APOL5: variants seen among roughly 807,000 people sequenced by gnomAD.
APOL5 encodes apolipoprotein L, 5.
Under a neutral mutation model 35.5 loss-of-function variants are expected in APOL5, and 29 were observed. That is an observed-to-expected ratio of 0.82 (90% CI 0.61 to 1.11). APOL5 has a LOEUF of 1.11. APOL5 is among the 50% of genes most tolerant of loss of function. The pLI, the probability that APOL5 is intolerant of heterozygous loss-of-function variation, is 0.00. For missense variants in APOL5, 514 were observed against 530.4 expected, an observed-to-expected ratio of 0.97 and a Z score of 0.30; for synonymous variants, 188 against 200.2, an observed-to-expected ratio of 0.94 and a Z score of 0.51.
chr22:35,725,778 A>G (rs1188130401), intron 2 of APOL5, among the ~76,000 whole-genome samples: 1 of 152,196 alleles, frequency 6.6e-6, no homozygotes, highest in Non-Finnish European at 1.5e-5. Context: ...TCGAGCACTC[A>G]TGTTAGGTTT....
At chr22:35,714,317 A>G (rs1926677036), upstream of APOL5, among the ~76,000 whole-genome samples, 2 of 152,072 alleles carry the variant, frequency 1.3e-5, no homozygotes, top group Non-Finnish European at 2.9e-5. Flanking sequence ...GTCTCAAAAA[A>G]ATAAAAATAA....
chr22:35,717,826 T>C (rs1926813388), upstream of APOL5: 2 of 1,399,296 alleles, frequency 1.4e-6, no homozygotes, highest in Non-Finnish European at 1.9e-6. Context: ...AAGGGAGTCA[T>C]ATTTATTAAT....
At chr22:35,720,521 C>G in intron 1 of APOL5, 47 bp from the exon 2 acceptor site, 1 of 1,567,930 alleles carries the variant, frequency 6.4e-7, no homozygotes, top group Non-Finnish European at 8.8e-7. Flanking sequence ...TCTTTTCGGG[C>G]TGAGATGACT....
upstream of APOL5, among the ~76,000 whole-genome samples, chr22:35,717,535 T>C (rs1601893626): frequency 6.7e-6 from 1 of 148,370 alleles, no homozygotes; most frequent in South Asian, 2.1e-4. Flanking sequence ...AGGTCAGGAG[T>C]TTGAGACCAG....
chr22:35,717,212 T>C (rs1450361921), upstream of APOL5, among the ~76,000 whole-genome samples: 1 of 73,850 alleles, frequency 1.4e-5, no homozygotes, highest in Admixed American at 1.2e-4. Context: ...ATGGTGAATC[T>C]CCATCTCTAC....
At chr22:35,719,867 A>G (rs886518864) in intron 1 of APOL5, among the ~76,000 whole-genome samples, 1 of 152,198 alleles carries the variant, frequency 6.6e-6, no homozygotes, top group African/African-American at 2.4e-5. Context: ...TTGGAGAGTG[A>G]GTGCAAGGTT....
At position 35,726,500 on chromosome 22, in the gene APOL5, C is replaced by T. The variant is rs776766391; in HGVS notation, c.432C>T (p.Ser144=). The change falls in exon 3 of 5, where the codon TCC becomes TCT. Residue 144 remains serine (S), a synonymous_variant. Coordinates refer to ENST00000249044, the MANE Select transcript of APOL5 (RefSeq NM_030642.1). The part of the protein sequence containing the change: ...LTKTSLVASS[S]GAVSGVMNIL... ...AGACCAGCCTGGTGGCCAGCTCTTC[C>T]GGGGCTGTTTCTGGGGTCATGAACA... 49 of 1,614,048 alleles carry T rather than the reference C, an allele frequency of 3.0e-5. 1 individual carries two copies. In the South Asian group the frequency reaches 3.5e-4, roughly 12 times the overall value.
intron 3 of APOL5, among the ~76,000 whole-genome samples, chr22:35,728,212 C>CT (rs961518247): frequency 1.2e-4 from 19 of 152,024 alleles, no homozygotes; most frequent in African/African-American, 4.3e-4. Context: ...GATTTTAGAC[C>CT]TTTTTTTTGT....
At chr22:35,727,277 G>C in intron 3 of APOL5, 83 bp downstream of exon 3, 4 of 1,523,910 alleles carry the variant, frequency 2.6e-6, no homozygotes, top group Non-Finnish European at 3.5e-6. Context: ...AATGCTAAAC[G>C]GACACATCAG....
intron 1 of APOL5, among the ~76,000 whole-genome samples, chr22:35,718,504 T>C (rs5750162): frequency 0.71 from 107,691 of 150,632 alleles, 39,088 homozygotes; most frequent in African/African-American, 0.83. Context: ...TGTAGTCCCG[T>C]TACTCGGGAG....
chr22:35,708,865 CA>C, the APOL5 span, among the ~76,000 whole-genome samples: 1 of 152,170 alleles, frequency 6.6e-6, no homozygotes, highest in African/African-American at 2.4e-5. Context: ...CATATAGGAA[CA>C]AAACGTGGAC....
At chr22:35,717,235 A>AAAAAAAAAAAAAAAATATATATATATAT, upstream of APOL5, among the ~76,000 whole-genome samples, 19 of 57,650 alleles carry the variant, frequency 3.3e-4, no homozygotes, top group Non-Finnish European at 5.0e-4. Flanking sequence ...AAAAAAAAAA[A>AAAAAAAAAAAAAAAATATATATATATAT]ATATATATAT....
chr22:35,726,221 G>A lies in APOL5; in HGVS notation c.153G>A (p.Val51=), dbSNP rs1490580906. Reference sequence around the variant, plus strand: ...CCTAGATGTCTTTAGCCTCACTCGTGAACCTGTGCCAGAGTTGGAAAATTA... The same window carrying A: ...CCTAGATGTCTTTAGCCTCACTCGTAAACCTGTGCCAGAGTTGGAAAATTA... The part of the protein sequence containing the change: ...KSPEPEFPSL[V]NLCQSWKINN... Residue 51 remains valine, a synonymous_variant, in exon 3 of 5, where the codon GTG becomes GTA. Coordinates refer to ENST00000249044, the MANE Select transcript of APOL5 (RefSeq NM_030642.1). 2 of 1,609,636 alleles carry A rather than the reference G, an allele frequency of 1.2e-6. No individual in the cohort carries two copies. Among genetic ancestry groups the A allele is most frequent in the Non-Finnish European group, 1.7e-6 (2 of 1,176,256 alleles).
At chr22:35,720,076 C>T (rs1216839289) in intron 1 of APOL5, among the ~76,000 whole-genome samples, 2 of 152,194 alleles carry the variant, frequency 1.3e-5, no homozygotes, top group East Asian at 1.9e-4. Context: ...CGATGTCCAG[C>T]TACTTGTGTG....
At chr22:35,710,821 A>G in the APOL5 span, among the ~76,000 whole-genome samples, 2 of 152,224 alleles carry the variant, frequency 1.3e-5, no homozygotes, top group East Asian at 3.9e-4. Flanking sequence ...TGAGTGGCTT[A>G]TTTCACCTAG....
At chr22:35,728,953 A>C (rs936296192) in intron 4 of APOL5, 49 bp downstream of exon 4, 82 of 1,518,752 alleles carry the variant, frequency 5.4e-5, no homozygotes. Flanking sequence ...CCTGACAGTG[A>C]AGTAACCCCT....
At chr22:35,728,047 T>G (rs925788323) in intron 3 of APOL5, among the ~76,000 whole-genome samples, 4 of 152,142 alleles carry the variant, frequency 2.6e-5, no homozygotes, top group Non-Finnish European at 4.4e-5. Flanking sequence ...TTCAACAGAT[T>G]TTCATTAAGT....
chr22:35,717,235 A>AAAAAAAAT, upstream of APOL5, among the ~76,000 whole-genome samples: 82 of 57,660 alleles, frequency 1.4e-3, 2 homozygotes, highest in African/African-American at 6.1e-3. Context: ...AAAAAAAAAA[A>AAAAAAAAT]ATATATATAT....
Position 35,717,894 on chromosome 22 carries a change from A to G in APOL5, c.23A>G (p.Asn8Ser). MPCGKQG[N>S]LQVPGSKVLP... The stretch of plus-strand genomic sequence containing the variant: ...AGCATGCCATGTGGCAAACAAGGAA[A>G]TTTGCAAGTTCCCGGTTCCAAGGTG... The change falls in exon 1 of 5, where the codon AAT (asparagine) becomes AGT (serine). Residue 8 changes from asparagine to serine, a missense_variant. Coordinates refer to ENST00000249044, the MANE Select transcript of APOL5 (RefSeq NM_030642.1). The G allele has an allele frequency of 6.3e-7, 1 of 1,589,308 alleles. No individual in the cohort carries two copies. The highest frequency in any genetic ancestry group is 8.6e-7 in the Non-Finnish European group (1 of 1,167,924).
Sources: gnomAD v4.1 joint callset for allele counts (sites outside exome capture counted in the v4.1 genomes callset) on GRCh38, gnomAD v4.1.1 for gene constraint, MANE v1.5 for transcripts, NCBI Gene and HGNC (gene_info 2026-07-23, HGNC 2026-07-21) for gene names.